The following LSAMP variants were observed in gnomAD, a reference collection of about 807,000 sequenced individuals.
LSAMP encodes the protein limbic system-associated membrane protein.
LSAMP carries 7 observed loss-of-function variants against 38.6 expected under a neutral mutation model. The ratio of observed to expected loss-of-function variants is 0.18; its 90% CI spans 0.10 to 0.34. The LOEUF is 0.34. LSAMP is among the 10% of genes least tolerant of loss of function. The pLI, the probability that LSAMP is intolerant of heterozygous loss-of-function variation, is 1.00. For missense variants in LSAMP, 313 were observed against 420.0 expected (o/e 0.75, Z 2.23); for synonymous variants, 154 against 166.8 (o/e 0.92, Z 0.59).
chr3:116,336,442 G>C (rs1297508557), intron 1 of LSAMP, among the ~76,000 whole-genome samples: 1 of 151,812 alleles, frequency 6.6e-6, no homozygotes, highest in Non-Finnish European at 1.5e-5. Flanking sequence ...TTCAAAAATG[G>C]GCAACGAACC....
intron 1 of LSAMP, among the ~76,000 whole-genome samples, chr3:116,168,673 G>A (rs960438833): frequency 4.6e-5 from 7 of 152,278 alleles, no homozygotes; most frequent in East Asian, 1.9e-4. Flanking sequence ...AGGTGACAGG[G>A]TGCAGGGCAG....
At chr3:116,026,749 T>A (rs1940800901) in intron 2 of LSAMP, among the ~76,000 whole-genome samples, 1 of 152,156 alleles carries the variant, frequency 6.6e-6, no homozygotes, top group African/African-American at 2.4e-5. Flanking sequence ...CCTCCCTCTA[T>A]CCCCATCCTT....
chr3:116,401,670 C>G (rs1559855352), intron 1 of LSAMP, among the ~76,000 whole-genome samples: 1 of 152,144 alleles, frequency 6.6e-6, no homozygotes, highest in African/African-American at 2.4e-5. Context: ...GCTTCTGACT[C>G]TTTTTTTGCA....
At chr3:116,166,336 A>G (rs550048887) in intron 1 of LSAMP, among the ~76,000 whole-genome samples, 37 of 152,190 alleles carry the variant, frequency 2.4e-4, no homozygotes, top group Non-Finnish European at 3.8e-4. Flanking sequence ...TACTATTATG[A>G]TTCCTATTTT....
At chr3:115,928,969 G>GTTTTTTTTTTTTTT (rs1033194537) in intron 3 of LSAMP, among the ~76,000 whole-genome samples, 13 of 53,572 alleles carry the variant, frequency 2.4e-4, no homozygotes, top group African/African-American at 5.1e-4. Flanking sequence ...CAGGTTTTTT[G>GTTTTTTTTTTTTTT]TTTGTTTTTT....
chr3:116,327,007 G>A (rs2047782478), intron 1 of LSAMP, among the ~76,000 whole-genome samples: 1 of 152,132 alleles, frequency 6.6e-6, no homozygotes, highest in Admixed American at 6.6e-5. Context: ...TAGCTGAGAG[G>A]AGCTTGTAGT....
intron 1 of LSAMP, among the ~76,000 whole-genome samples, chr3:116,382,674 T>C (rs1459344365): frequency 6.6e-6 from 1 of 151,986 alleles, no homozygotes; most frequent in Non-Finnish European, 1.5e-5. Context: ...ATAAAATATT[T>C]ACTATCTGGT....
chr3:116,401,659 A>G (rs944375249), intron 1 of LSAMP, among the ~76,000 whole-genome samples: 2 of 152,166 alleles, frequency 1.3e-5, no homozygotes, highest in African/African-American at 4.8e-5. Flanking sequence ...TTACCTGACC[A>G]GCTTCTGACT....
chr3:115,814,753 G>C (rs1420987345), intron 6 of LSAMP, among the ~76,000 whole-genome samples: 1 of 152,160 alleles, frequency 6.6e-6, no homozygotes, highest in Non-Finnish European at 1.5e-5. Context: ...GTTAAAGTTT[G>C]AATTCTCTTA....
At chr3:116,241,579 T>A (rs2046535311) in intron 1 of LSAMP, among the ~76,000 whole-genome samples, 1 of 152,130 alleles carries the variant, frequency 6.6e-6, no homozygotes, top group Non-Finnish European at 1.5e-5. Flanking sequence ...AACAGATAGA[T>A]AGATAGATAA....
intron 6 of LSAMP, among the ~76,000 whole-genome samples, chr3:115,833,496 T>C (rs1440512979): frequency 6.6e-6 from 1 of 152,106 alleles, no homozygotes; most frequent in Non-Finnish European, 1.5e-5. Flanking sequence ...CAATCCTTAG[T>C]TCGAAAATAA....
intron 1 of LSAMP, among the ~76,000 whole-genome samples, chr3:116,132,826 T>G (rs867163827): frequency 2.0e-5 from 3 of 152,202 alleles, no homozygotes; most frequent in African/African-American, 7.2e-5. Flanking sequence ...GGAATACATA[T>G]GTCCCAAAAT....
At chr3:115,955,930 A>G (rs1221262415) in intron 3 of LSAMP, among the ~76,000 whole-genome samples, 1 of 152,156 alleles carries the variant, frequency 6.6e-6, no homozygotes, top group African/African-American at 2.4e-5. Flanking sequence ...CAAAGCCCTC[A>G]TTAGGCCAGC....
intron 1 of LSAMP, among the ~76,000 whole-genome samples, chr3:116,121,657 A>C (rs1323208959): frequency 6.6e-6 from 1 of 152,156 alleles, no homozygotes; most frequent in Admixed American, 6.5e-5. Context: ...AGGTACTACT[A>C]TTATGCCCAT....
chr3:116,299,057 T>C (rs1251937634), intron 1 of LSAMP, among the ~76,000 whole-genome samples: 3 of 152,236 alleles, frequency 2.0e-5, no homozygotes, highest in Non-Finnish European at 2.9e-5. Context: ...CTTATGCAAA[T>C]GTCTCAGAGC....
intron 1 of LSAMP, among the ~76,000 whole-genome samples, chr3:116,270,432 GACA>G (rs10662548): frequency 2.0e-5 from 3 of 151,640 alleles, no homozygotes; most frequent in African/African-American, 7.3e-5. Flanking sequence ...TACTTCATTT[GACA>G]ACAATTGTGA....
At chr3:116,384,791 A>T (rs918172568) in intron 1 of LSAMP, among the ~76,000 whole-genome samples, 1 of 152,114 alleles carries the variant, frequency 6.6e-6, no homozygotes, top group African/African-American at 2.4e-5. Flanking sequence ...TGAGTCACAT[A>T]TTTTAATAGG....
chr3:115,947,821 T>C (rs970577080), intron 3 of LSAMP, among the ~76,000 whole-genome samples: 1 of 152,138 alleles, frequency 6.6e-6, no homozygotes, highest in African/African-American at 2.4e-5. Flanking sequence ...GCCTCATGGG[T>C]AACATATTAT....
chr3:116,137,927 C>G (rs1709286681), intron 1 of LSAMP, among the ~76,000 whole-genome samples: 1 of 152,094 alleles, frequency 6.6e-6, no homozygotes, highest in African/African-American at 2.4e-5. Context: ...CCATAGGAAT[C>G]AACAGAAAAC....
Sources: gnomAD v4.1 joint callset for allele counts (sites outside exome capture counted in the v4.1 genomes callset) on GRCh38, gnomAD v4.1.1 for gene constraint, MANE v1.5 for transcripts, NCBI Gene and HGNC (gene_info 2026-07-23, HGNC 2026-07-21) for gene names.